Variants in STRN observed in about 807,000 individuals in gnomAD.
STRN encodes the protein protein phosphatase 2 regulatory subunit B'''alpha.
Under a neutral mutation model 96.3 loss-of-function variants are expected in STRN, and 53 were observed. That is an observed-to-expected ratio of 0.55 (90% CI 0.44 to 0.69). The LOEUF (loss-of-function observed/expected upper bound fraction) is 0.69, where lower values mean the gene tolerates loss of function less well. Ranked by LOEUF, STRN falls within the 30% of genes least tolerant of loss-of-function variation. The probability of loss-of-function intolerance (pLI) is 0.00; values close to 1 mark genes in which losing one functional copy is unlikely to be tolerated. For synonymous variants in STRN, 428 were observed against 355.9 expected (o/e 1.20, Z -2.28); for missense variants, 987 against 963.9 (o/e 1.02, Z -0.32).
intron 1 of STRN, among the ~76,000 whole-genome samples, chr2:36,949,626 T>C (rs1260226048): frequency 6.6e-6 from 1 of 152,186 alleles, no homozygotes; most frequent in Non-Finnish European, 1.5e-5. Flanking sequence ...ACAAACCTAA[T>C]GCATGGCTAG....
rs1667872742 is a variant in STRN at position 36,838,560 on chromosome 2, A to G, written c.*10896T>C. On this transcript the variant is annotated 3_prime_UTR_variant, in exon 18 of 18. Transcript: ENST00000263918. ...TTTTCTTTTTTCTACGTATTTTTTA[A>G]TGTTACAATAGTTATTGCCATGAGT... 6.6e-6 allele frequency among the ~76,000 whole-genome samples: 1 copy of G among 152,214 alleles called. No individual in the cohort carries two copies. Among genetic ancestry groups the G allele is most frequent in the Non-Finnish European group, 1.5e-5 (1 of 68,042 alleles).
At chr2:36,957,334 T>C (rs1325465433) in intron 1 of STRN, among the ~76,000 whole-genome samples, 1 of 152,226 alleles carries the variant, frequency 6.6e-6, no homozygotes, top group Non-Finnish European at 1.5e-5. Flanking sequence ...ACGTCTGTAA[T>C]TCCAGCACTT....
intron 5 of STRN, among the ~76,000 whole-genome samples, chr2:36,901,665 G>C (rs1184191243): frequency 6.6e-6 from 1 of 151,660 alleles, no homozygotes. Context: ...TATCTATAGA[G>C]AAATAACATG....
At chr2:36,952,295 A>G (rs1664772607) in intron 1 of STRN, among the ~76,000 whole-genome samples, 1 of 152,176 alleles carries the variant, frequency 6.6e-6, no homozygotes, top group Non-Finnish European at 1.5e-5. Flanking sequence ...GCTTTGTAAT[A>G]CAAGCTGTTA....
At chr2:36,954,555 A>T (rs1486705853) in intron 1 of STRN, among the ~76,000 whole-genome samples, 1 of 150,600 alleles carries the variant, frequency 6.6e-6, no homozygotes, top group Non-Finnish European at 1.5e-5. Context: ...AAATTTGCAG[A>T]TTTTTTTAAG....
intron 12 of STRN, among the ~76,000 whole-genome samples, chr2:36,865,322 T>C (rs1668593470): frequency 6.6e-6 from 1 of 152,222 alleles, no homozygotes; most frequent in African/African-American, 2.4e-5. Context: ...GGTGGTAATA[T>C]TACATTTATC....
At chr2:36,939,753 T>C (rs1237357176) in intron 1 of STRN, among the ~76,000 whole-genome samples, 1 of 152,174 alleles carries the variant, frequency 6.6e-6, no homozygotes, top group Non-Finnish European at 1.5e-5. Context: ...AAATCACTAT[T>C]CTGTAAGCAT....
rs1346394088 is a variant in STRN, at chr2:36,844,235, T to C, written c.*5221A>G. The C allele has an allele frequency of 6.6e-6, 1 of 152,196 alleles. No homozygotes were observed. Among genetic ancestry groups the C allele is most frequent in the Non-Finnish European group, 1.5e-5 (1 of 68,040 alleles). 9.4% of individuals were successfully genotyped at this position (152,196 alleles called of 1,614,324 possible). A position where few individuals can be genotyped will look rare whatever the true frequency, so the allele number is the denominator to read the frequency against. On this transcript the variant is annotated 3_prime_UTR_variant, in exon 18 of 18. Transcript: ENST00000263918. ...AAGTGTGTGGAGAAGGGGAGTTGTA[T>C]TGTTTTCTCACAAGAGGCAAACTTC...
intron 9 of STRN, among the ~76,000 whole-genome samples, chr2:36,878,927 A>AT (rs1668993315): frequency 6.6e-6 from 1 of 150,722 alleles, no homozygotes; most frequent in African/African-American, 2.4e-5. Flanking sequence ...TAATTTTTGT[A>AT]TTTTTAGTAG....
rs750553167 is a variant in STRN, at chr2:36,849,785, G to A, written c.2102C>T (p.Ser701Leu). The change falls in exon 17 of 18, where the codon TCG becomes TTG. Residue 701 changes from serine to leucine, a missense_variant. Ser to Leu is a moderately radical substitution (Grantham distance 145). Transcript: ENST00000263918. ...YDNNTGKLIH[S>L]MVAHLEAVTS... ...AACAGCTTCTAGGTGGGCTACCATCGAGTGGATCAGTTTGCCTTTGGAAAA... is the reference window on the plus strand; with the variant it reads ...AACAGCTTCTAGGTGGGCTACCATCAAGTGGATCAGTTTGCCTTTGGAAAA... The A allele has an allele frequency of 8.1e-6, 13 of 1,613,950 alleles. No homozygotes were observed. The highest frequency in any genetic ancestry group is 1.1e-5 in the Non-Finnish European group (13 of 1,179,976).
intron 8 of STRN, among the ~76,000 whole-genome samples, chr2:36,886,471 G>C (rs972766714): frequency 2.0e-5 from 3 of 152,136 alleles, no homozygotes; most frequent in African/African-American, 7.2e-5. Flanking sequence ...ACACTCATGA[G>C]GCTCTGGATT....
chr2:36,886,955 C>T (rs1669248527), intron 7 of STRN, 129 bp from the exon 8 acceptor site: 2 of 580,892 alleles, frequency 3.4e-6, no homozygotes. Context: ...TCAGTTTATT[C>T]ATTTTATATA....
chr2:36,947,166 G>A (rs1187068933), intron 1 of STRN, among the ~76,000 whole-genome samples: 1 of 152,088 alleles, frequency 6.6e-6, no homozygotes, highest in East Asian at 1.9e-4. Context: ...AAAGTTCTGG[G>A]ATTACAGGCA....
intron 6 of STRN, among the ~76,000 whole-genome samples, chr2:36,895,756 C>A (rs920749836): frequency 2.8e-4 from 37 of 130,852 alleles, no homozygotes; most frequent in African/African-American, 6.7e-4. Context: ...ACTAAAAATA[C>A]AAAAAAAAAA....
Position 36,842,883 on chromosome 2 carries a change from T to C in STRN, c.*6573A>G, listed in dbSNP as rs1479143102. On this transcript the variant is annotated 3_prime_UTR_variant, in exon 18 of 18. Coordinates refer to ENST00000263918, the MANE Select transcript of STRN (RefSeq NM_003162.4). ...CAGGCGGAGGGATGCTCCATGATTA[T>C]AATGTTTAGGTTAAAAGGTATGCTT... Among the ~76,000 whole-genome samples, 1 of 152,154 alleles carries C rather than the reference T, an allele frequency of 6.6e-6. No individual in the cohort carries two copies. Among genetic ancestry groups the C allele is most frequent in the African/African-American group, 2.4e-5 (1 of 41,432 alleles).
intron 1 of STRN, among the ~76,000 whole-genome samples, chr2:36,932,224 G>T (rs557274678): frequency 6.6e-6 from 1 of 151,878 alleles, no homozygotes; most frequent in South Asian, 2.1e-4. Context: ...GCGTGATCTC[G>T]GCTCACTGCA....
intron 12 of STRN, among the ~76,000 whole-genome samples, chr2:36,862,159 G>A (rs139416256): frequency 6.6e-6 from 1 of 152,266 alleles, no homozygotes; most frequent in East Asian, 1.9e-4. Context: ...TCTTTATCCA[G>A]TTTACCGATG....
intron 1 of STRN, among the ~76,000 whole-genome samples, chr2:36,937,565 T>C (rs942746319): frequency 4.6e-5 from 7 of 151,424 alleles, no homozygotes; most frequent in African/African-American, 1.5e-4. Flanking sequence ...AGCTACCTGG[T>C]TGGGAGGCTC....
Position 36,842,336 on chromosome 2 carries a change from G to C in STRN, c.*7120C>G, listed in dbSNP as rs1286370661. 6.6e-6 allele frequency: 1 copy of C among 152,150 alleles called. No individual in the cohort carries two copies. The highest frequency in any genetic ancestry group is 1.5e-5 in the Non-Finnish European group (1 of 68,026). 9.4% of individuals were successfully genotyped at this position (152,150 alleles called of 1,614,324 possible). ...AATTGGGAACCTGGTACATACACTA[G>C]ATTTTATGATGGCATAAGAAATTAT... is the stretch of plus-strand genomic sequence containing the variant. On this transcript the variant is annotated 3_prime_UTR_variant, in exon 18 of 18. Transcript: ENST00000263918.
Sources: allele counts gnomAD v4.1 joint callset (sites outside exome capture counted in the v4.1 genomes callset), GRCh38; gene constraint gnomAD v4.1.1; transcripts MANE v1.5; gene names NCBI Gene and HGNC (gene_info 2026-07-23, HGNC 2026-07-21).